The following APBA1 variants were observed in gnomAD, a reference collection of about 807,000 sequenced individuals.
APBA1 encodes amyloid-beta A4 precursor protein-binding family A member 1.
APBA1 carries 55 observed loss-of-function variants against 86.6 expected under a neutral mutation model. That is an observed-to-expected ratio of 0.64 (90% confidence interval 0.51 to 0.80). APBA1 has a LOEUF of 0.80. Among genes scored for constraint, APBA1 ranks in the 30% least tolerant of loss-of-function variants. The pLI is 0.00. For missense variants in APBA1, 1,090 were observed against 1,183.0 expected, an observed-to-expected ratio of 0.92 and a Z score of 1.15; for synonymous variants, 511 against 493.9, an observed-to-expected ratio of 1.03 and a Z score of -0.46.
At chr9:69,668,779 C>A (rs1442631605) in intron 1 of APBA1, among the ~76,000 whole-genome samples, 7 of 152,120 alleles carry the variant, frequency 4.6e-5, no homozygotes, top group African/African-American at 1.7e-4. Context: ...TAGGCATACA[C>A]CTTCCACTGC....
At chr9:69,544,495 T>C (rs1403734291) in intron 1 of APBA1, among the ~76,000 whole-genome samples, 1 of 152,188 alleles carries the variant, frequency 6.6e-6, no homozygotes, top group Non-Finnish European at 1.5e-5. Context: ...ATAAGGGAAC[T>C]AATAAAATAA....
At chr9:69,648,869 G>A (rs1823440922) in intron 1 of APBA1, among the ~76,000 whole-genome samples, 1 of 152,108 alleles carries the variant, frequency 6.6e-6, no homozygotes, top group Non-Finnish European at 1.5e-5. Context: ...CCTCCCTGCA[G>A]GTCTCACAGA....
intron 1 of APBA1, among the ~76,000 whole-genome samples, chr9:69,580,220 G>A (rs1398171488): frequency 3.9e-5 from 6 of 152,186 alleles, no homozygotes; most frequent in Non-Finnish European, 7.3e-5. Context: ...GCCTTCTATC[G>A]AGGATTCGGA....
intron 5 of APBA1, chr9:69,465,143 T>C (rs1201164210): frequency 2.6e-5 from 4 of 152,146 alleles, no homozygotes; most frequent in Non-Finnish European, 4.4e-5. Context: ...CTGCCCTGGA[T>C]GTTATAGGGT....
intron 1 of APBA1, among the ~76,000 whole-genome samples, chr9:69,538,431 T>C (rs1185712103): frequency 6.6e-6 from 1 of 152,208 alleles, no homozygotes; most frequent in Non-Finnish European, 1.5e-5. Flanking sequence ...CCCAAATCCA[T>C]GGAACTTAAT....
At chr9:69,638,902 A>G (rs1364597660) in intron 1 of APBA1, among the ~76,000 whole-genome samples, 1 of 152,196 alleles carries the variant, frequency 6.6e-6, no homozygotes, top group Non-Finnish European at 1.5e-5. Flanking sequence ...TTTGAAAACT[A>G]AAAATTAAAA....
intron 1 of APBA1, among the ~76,000 whole-genome samples, chr9:69,662,238 C>T (rs963769594): frequency 1.3e-5 from 2 of 152,108 alleles, no homozygotes; most frequent in Non-Finnish European, 2.9e-5. Flanking sequence ...CACTGAGGAA[C>T]CTCTGAGAAC....
intron 1 of APBA1, among the ~76,000 whole-genome samples, chr9:69,522,231 C>G (rs1375144612): frequency 1.3e-5 from 2 of 151,804 alleles, no homozygotes; most frequent in Non-Finnish European, 2.9e-5. Context: ...TTTCTGATGC[C>G]AAGCACAGAG....
chr9:69,571,581 G>T (rs899298966), intron 1 of APBA1, among the ~76,000 whole-genome samples: 2 of 151,926 alleles, frequency 1.3e-5, no homozygotes, highest in Admixed American at 1.3e-4. Flanking sequence ...GGTTTCGGAT[G>T]GTAGGATTAC....
chr9:69,658,507 A>T lies in APBA1; in HGVS notation c.-70+13646T>A, dbSNP rs530578087. 2.7e-5 allele frequency among the ~76,000 whole-genome samples: 4 copies of T among 150,206 alleles called. No individual in the cohort carries two copies. The East Asian group carries it at 7.8e-4, about 29-fold the overall frequency. ...AACCTCCACCTCCTGGGTTCAAGCA[A>T]TTCTCCTACCTCAGCCTCCTGAGTA... On this transcript the variant is annotated intron_variant, in intron 1 of 12. Transcript: ENST00000265381.
intron 2 of APBA1, among the ~76,000 whole-genome samples, chr9:69,495,979 C>A (rs2133866488): frequency 1.3e-5 from 2 of 152,228 alleles, no homozygotes; most frequent in South Asian, 4.1e-4. Context: ...GCCAGCGACA[C>A]CAACACAGAA....
intron 1 of APBA1, among the ~76,000 whole-genome samples, chr9:69,552,201 A>G (rs1445527659): frequency 6.6e-6 from 1 of 152,230 alleles, no homozygotes; most frequent in Non-Finnish European, 1.5e-5. Flanking sequence ...AAAAAATGAA[A>G]TGATAGCACC....
intron 1 of APBA1, among the ~76,000 whole-genome samples, chr9:69,532,497 C>A (rs1019791558): frequency 1.3e-5 from 2 of 152,214 alleles, no homozygotes; most frequent in Non-Finnish European, 2.9e-5. Context: ...TGTGTGTTAA[C>A]TGCTATCTCT....
chr9:69,596,813 A>C (rs1406749921), intron 1 of APBA1, among the ~76,000 whole-genome samples: 1 of 152,232 alleles, frequency 6.6e-6, no homozygotes, highest in Non-Finnish European at 1.5e-5. Context: ...TCTTCAGCCC[A>C]GTCAACTGGT....
At chr9:69,473,667 C>A (rs1228120487) in intron 3 of APBA1, among the ~76,000 whole-genome samples, 1 of 151,662 alleles carries the variant, frequency 6.6e-6, no homozygotes, top group Non-Finnish European at 1.5e-5. Context: ...GCACATGTAC[C>A]CTAAAACTTG....
chr9:69,490,330 G>A (rs887060754), intron 2 of APBA1, among the ~76,000 whole-genome samples: 1 of 151,884 alleles, frequency 6.6e-6, no homozygotes, highest in Non-Finnish European at 1.5e-5. Context: ...GTTGTGGGGT[G>A]GGGGGAGAGG....
chr9:69,528,459 G>C (rs544796144), intron 1 of APBA1, among the ~76,000 whole-genome samples: 14 of 152,072 alleles, frequency 9.2e-5, no homozygotes, highest in African/African-American at 2.9e-4. Flanking sequence ...AACTCAGAGG[G>C]GAGATCTTGC....
chr9:69,635,687 G>A (rs991765904), intron 1 of APBA1, among the ~76,000 whole-genome samples: 1 of 152,038 alleles, frequency 6.6e-6, no homozygotes, highest in Non-Finnish European at 1.5e-5. Flanking sequence ...AAAAAAAGCA[G>A]GAGTAGCTAT....
intron 1 of APBA1, among the ~76,000 whole-genome samples, chr9:69,599,914 T>C (rs1822313977): frequency 6.6e-6 from 1 of 152,232 alleles, no homozygotes; most frequent in African/African-American, 2.4e-5. Flanking sequence ...CATGCGTTTT[T>C]ACAAGACTGA....
Sources: gnomAD v4.1 joint callset for allele counts (sites outside exome capture counted in the v4.1 genomes callset) on GRCh38, gnomAD v4.1.1 for gene constraint, MANE v1.5 for transcripts, NCBI Gene and HGNC (gene_info 2026-07-23, HGNC 2026-07-21) for gene names.